Variants in TXNDC16 observed in about 807,000 individuals in gnomAD.
TXNDC16 encodes the protein thioredoxin domain containing 16.
A neutral mutation model predicts 85.6 loss-of-function variants in TXNDC16; 74 were observed. The ratio of observed to expected loss-of-function variants is 0.86; its 90% confidence interval spans 0.72 to 1.05. The LOEUF (loss-of-function observed/expected upper bound fraction) is 1.05. TXNDC16 is among the 50% of genes least tolerant of loss of function. TXNDC16 has a pLI of 0.00. For missense variants in TXNDC16, 959 were observed against 947.0 expected, an observed-to-expected ratio of 1.01 and a Z score of -0.17; for synonymous variants, 335 against 326.5, an observed-to-expected ratio of 1.03 and a Z score of -0.28.
chr14:52,533,895 G>A (rs2037640567), intron 6 of TXNDC16, among the ~76,000 whole-genome samples: 1 of 152,188 alleles, frequency 6.6e-6, no homozygotes, highest in African/African-American at 2.4e-5. Context: ...GCCTCAAAAT[G>A]GAGGTAGCGG....
chr14:52,540,575 A>G (rs2037807153), intron 4 of TXNDC16, among the ~76,000 whole-genome samples: 1 of 152,170 alleles, frequency 6.6e-6, no homozygotes, highest in Non-Finnish European at 1.5e-5. Context: ...CAGTGAGCCA[A>G]GATGGTGCCA....
At chr14:52,529,857 T>C (rs1782856929) in intron 6 of TXNDC16, among the ~76,000 whole-genome samples, 1 of 108,148 alleles carries the variant, frequency 9.2e-6, no homozygotes, top group South Asian at 2.8e-4. Flanking sequence ...ATACCTATTA[T>C]ATATAATATG....
In TXNDC16 at chr14:52,470,578, T is replaced by C; in HGVS notation, c.1415A>G (p.Lys472Arg). ...AGCATAAGATACTGGGTTCTCGCCT[T>C]TCTTGTACATCTTTATGATAGGAAA... is the stretch of plus-strand genomic sequence containing the variant. Reference protein sequence around the residue: ...TEFPIIKMYKKGENPVSYAGM... With the variant: ...TEFPIIKMYKRGENPVSYAGM... The change falls in exon 15 of 21, where the codon AAA (lysine) becomes AGA (arginine). Residue 472 changes from lysine to arginine, a missense_variant. Physicochemically the swap from Lys to Arg is conservative, Grantham distance 26. Coordinates refer to ENST00000281741, the MANE Select transcript of TXNDC16 (RefSeq NM_020784.3). 1 of 1,614,014 alleles carries C rather than the reference T, an allele frequency of 6.2e-7. No individual in the cohort carries two copies. Among genetic ancestry groups the C allele is most frequent in the Non-Finnish European group, 8.5e-7 (1 of 1,179,956 alleles).
intron 1 of TXNDC16, among the ~76,000 whole-genome samples, chr14:52,551,681 A>G (rs1243247921): frequency 1.3e-5 from 2 of 152,078 alleles, no homozygotes; most frequent in Non-Finnish European, 2.9e-5. Context: ...GTCAACAACT[A>G]TGTGCCGGCC....
chr14:52,515,573 C>A (rs538583156), intron 7 of TXNDC16, among the ~76,000 whole-genome samples: 14 of 151,954 alleles, frequency 9.2e-5, no homozygotes, highest in Non-Finnish European at 1.9e-4. Context: ...GCCACTCCCC[C>A]ACCCTCTACT....
At chr14:52,523,603 A>G (rs1156493751) in intron 6 of TXNDC16, among the ~76,000 whole-genome samples, 1 of 152,210 alleles carries the variant, frequency 6.6e-6, no homozygotes, top group East Asian at 1.9e-4. Context: ...GAAATATCCC[A>G]AAGTCTTTTA....
intron 6 of TXNDC16, among the ~76,000 whole-genome samples, chr14:52,530,465 T>TAATAA (rs2037519983): frequency 1.4e-3 from 1 of 718 alleles, no homozygotes; most frequent in African/African-American, 4.7e-3. Context: ...ATAATATATA[T>TAATAA]TATATATTAT....
chr14:52,437,442 TA>T (rs1310766558), intron 20 of TXNDC16, among the ~76,000 whole-genome samples: 1 of 152,120 alleles, frequency 6.6e-6, no homozygotes, highest in Non-Finnish European at 1.5e-5. Flanking sequence ...CTTAAATTAC[TA>T]AAAGAAATTA....
rs184024109 is a variant in TXNDC16, at chr14:52,433,973, G to A, written c.2195-1386C>T. 1.1e-4 allele frequency among the ~76,000 whole-genome samples: 17 copies of A among 152,254 alleles called. No individual in the cohort carries two copies. The East Asian group carries it at 3.3e-3, about 29-fold the overall frequency. On this transcript the variant is annotated intron_variant, in intron 20 of 20. Transcript: ENST00000281741. The stretch of plus-strand genomic sequence containing the variant: ...ATGGGAGGACAGCTTGGCCCCAGGA[G>A]TTCAAAACCAGCCTGGGCAACATAG...
chr14:52,488,620 G>A, intron 11 of TXNDC16, 134 bp from the exon 12 acceptor site: 1 of 604,232 alleles, frequency 1.7e-6, no homozygotes, highest in Non-Finnish European at 2.7e-6. Flanking sequence ...CGGATCATCT[G>A]AGGTCAGTAG....
intron 16 of TXNDC16, among the ~76,000 whole-genome samples, chr14:52,463,391 T>C (rs928631805): frequency 1.3e-5 from 2 of 152,160 alleles, no homozygotes; most frequent in African/African-American, 4.8e-5. Flanking sequence ...ATAGGTCCTA[T>C]TTCTGACACC....
chr14:52,498,437 A>T (rs1040324752), intron 9 of TXNDC16, among the ~76,000 whole-genome samples: 2 of 150,022 alleles, frequency 1.3e-5, no homozygotes, highest in East Asian at 2.0e-4. Flanking sequence ...ACACACACAC[A>T]CTCACACACA....
rs545271039 is a variant in TXNDC16, at chr14:52,484,202, G to C, written c.1109-1237C>G. 1.9e-4 allele frequency among the ~76,000 whole-genome samples: 29 copies of C among 150,894 alleles called. No individual in the cohort carries two copies. In the South Asian group the frequency reaches 2.8e-3, roughly 15 times the overall value. On this transcript the variant is annotated intron_variant, in intron 12 of 20. Coordinates refer to ENST00000281741, the MANE Select transcript of TXNDC16 (RefSeq NM_020784.3). The stretch of plus-strand genomic sequence containing the variant: ...TGGATTTGCTACAAAACAATAAGGG[G>C]GGGGGGTGATTGGAGCAGAATGAGC...
chr14:52,460,793 TGA>T (rs918069795), intron 16 of TXNDC16, among the ~76,000 whole-genome samples: 1 of 152,340 alleles, frequency 6.6e-6, no homozygotes. Context: ...CTCCCTTTTT[TGA>T]GAGTTTATTC....
chr14:52,449,892 A>T (rs907039798), intron 18 of TXNDC16, among the ~76,000 whole-genome samples: 1 of 151,906 alleles, frequency 6.6e-6, no homozygotes, highest in Non-Finnish European at 1.5e-5. Flanking sequence ...AAATTTTAAA[A>T]TTTCTTGGAA....
At chr14:52,466,731 G>A (rs1355473598) in intron 16 of TXNDC16, among the ~76,000 whole-genome samples, 1 of 151,918 alleles carries the variant, frequency 6.6e-6, no homozygotes, top group East Asian at 1.9e-4. Flanking sequence ...GCGGGGCATG[G>A]TGGCAGGCTC....
chr14:52,452,153 A>G (rs963103415), intron 18 of TXNDC16, among the ~76,000 whole-genome samples: 1 of 152,190 alleles, frequency 6.6e-6, no homozygotes, highest in Non-Finnish European at 1.5e-5. Flanking sequence ...GATGAAAACT[A>G]TAATACATTG....
chr14:52,434,874 G>A (rs1364735084), intron 20 of TXNDC16, among the ~76,000 whole-genome samples: 1 of 152,192 alleles, frequency 6.6e-6, no homozygotes, highest in South Asian at 2.1e-4. Flanking sequence ...GCATAGAAAT[G>A]ATGGAAACCC....
intron 6 of TXNDC16, among the ~76,000 whole-genome samples, chr14:52,532,708 T>C (rs1218986882): frequency 3.9e-5 from 6 of 152,106 alleles, no homozygotes; most frequent in Non-Finnish European, 8.8e-5. Context: ...AGTGCTGAGA[T>C]TACAGGCGTG....
Sources: gnomAD v4.1 joint callset for allele counts (sites outside exome capture counted in the v4.1 genomes callset) on GRCh38, gnomAD v4.1.1 for gene constraint, MANE v1.5 for transcripts, NCBI Gene and HGNC (gene_info 2026-07-23, HGNC 2026-07-21) for gene names.